Variants in NR3C2 observed in about 807,000 individuals in gnomAD.
NR3C2 encodes the protein mineralocorticoid receptor.
NR3C2 carries 15 observed loss-of-function variants against 86.4 expected under a neutral mutation model. That is an observed-to-expected ratio of 0.17 (90% CI 0.12 to 0.27). The LOEUF (loss-of-function observed/expected upper bound fraction) is 0.27. NR3C2 is among the 10% of genes least tolerant of loss of function. NR3C2 has a pLI of 1.00. For missense variants in NR3C2, 960 were observed against 1,195.6 expected (o/e 0.80, Z 2.91); for synonymous variants, 458 against 450.5 (o/e 1.02, Z -0.21).
intron 2 of NR3C2, among the ~76,000 whole-genome samples, chr4:148,402,762 C>T (rs1579256462): frequency 6.6e-6 from 1 of 152,062 alleles, no homozygotes; most frequent in Non-Finnish European, 1.5e-5. Context: ...ATTTAAAAGT[C>T]TTCAGCATTA....
chr4:148,256,593 GA>G (rs1739844827), intron 3 of NR3C2, among the ~76,000 whole-genome samples: 1 of 152,140 alleles, frequency 6.6e-6, no homozygotes. Flanking sequence ...CACACCTAGT[GA>G]GTGACGTAAA....
At chr4:148,110,429 T>C (rs61764243) in intron 8 of NR3C2, among the ~76,000 whole-genome samples, 139 of 152,354 alleles carry the variant, frequency 9.1e-4, no homozygotes, top group Non-Finnish European at 1.7e-3. Context: ...AATGCTCTTT[T>C]TTCCACAAGG....
chr4:148,422,877 T>C (rs1749348542), intron 2 of NR3C2, among the ~76,000 whole-genome samples: 1 of 152,170 alleles, frequency 6.6e-6, no homozygotes, highest in Non-Finnish European at 1.5e-5. Flanking sequence ...TCCTCTTCTC[T>C]TACATTAGAG....
In NR3C2 at chr4:148,436,734, T is replaced by C; in HGVS notation, c.127A>G (p.Met43Val). Residue 43 changes from methionine (M) to valine (V), a missense_variant, in exon 2 of 9, where the codon ATG becomes GTG. Coordinates refer to ENST00000358102, the MANE Select transcript of NR3C2 (RefSeq NM_000901.5). ...ACACAGCTTACGTTGACAATCTCCA[T>C]GTAGTTATTCTCATCGGTCCTCTCT... ...PTERTDENNY[M>V]EIVNVSCVSG... 4 of 1,614,166 alleles carry C rather than the reference T, an allele frequency of 2.5e-6. No individual in the cohort carries two copies. The highest frequency in any genetic ancestry group is 2.5e-6 in the Non-Finnish European group (3 of 1,180,032).
At chr4:148,161,123 A>G (rs1230292547) in intron 4 of NR3C2, among the ~76,000 whole-genome samples, 1 of 152,254 alleles carries the variant, frequency 6.6e-6, no homozygotes, top group Non-Finnish European at 1.5e-5. Context: ...TCAATTGATT[A>G]TAAGGAAGTA....
At chr4:148,249,191 A>AGGGT (rs1316568498) in intron 3 of NR3C2, among the ~76,000 whole-genome samples, 1 of 152,170 alleles carries the variant, frequency 6.6e-6, no homozygotes, top group Non-Finnish European at 1.5e-5. Flanking sequence ...GGCTTCTAAG[A>AGGGT]GGGTGGTATG....
At chr4:148,351,234 C>T (rs1010392167) in intron 2 of NR3C2, among the ~76,000 whole-genome samples, 1 of 152,188 alleles carries the variant, frequency 6.6e-6, no homozygotes, top group Non-Finnish European at 1.5e-5. Flanking sequence ...CAACCTCCAT[C>T]TCCCAGGTTC....
Position 148,136,519 on chromosome 4 carries a change from C to G in NR3C2, c.2510+15950G>C, listed in dbSNP as rs6822617. Reference sequence around the variant, plus strand: ...CCTTTCCTGCTCAGGTACAGCATCTCACGCCTGGATTGTACCACCCACTTC... The same window carrying G: ...CCTTTCCTGCTCAGGTACAGCATCTGACGCCTGGATTGTACCACCCACTTC... On this transcript the variant is annotated intron_variant, in intron 6 of 8. Transcript: ENST00000358102. Among the ~76,000 whole-genome samples, 931 of 152,276 alleles carry G rather than the reference C, an allele frequency of 6.1e-3. 16 individuals carry two copies. The highest frequency in any genetic ancestry group is 0.021 in the African/African-American group (886 of 41,552).
At chr4:148,186,692 A>T (rs1255121874) in intron 4 of NR3C2, among the ~76,000 whole-genome samples, 2 of 151,766 alleles carry the variant, frequency 1.3e-5, no homozygotes, top group Non-Finnish European at 2.9e-5. Flanking sequence ...GATTTGTGAG[A>T]TTTTGGTGCA....
chr4:148,114,871 G>A (rs1193760825), intron 7 of NR3C2, among the ~76,000 whole-genome samples: 1 of 152,168 alleles, frequency 6.6e-6, no homozygotes, highest in Non-Finnish European at 1.5e-5. Flanking sequence ...CGAAGGGGAG[G>A]ACGCTGCATA....
At chr4:148,415,797 T>C (rs547500225) in intron 2 of NR3C2, among the ~76,000 whole-genome samples, 3 of 152,346 alleles carry the variant, frequency 2.0e-5, no homozygotes, top group Admixed American at 1.3e-4. Flanking sequence ...ATAAAATCAT[T>C]ACTGCTGCTC....
rs147769636 is a variant in NR3C2 at position 148,155,311 on chromosome 4, C to G, written c.2015-410G>C. Among the ~76,000 whole-genome samples the G allele has an allele frequency of 4.8e-3, 738 of 152,254 alleles. 5 individuals are homozygous for G. The highest frequency in any genetic ancestry group is 5.9e-3 in the Non-Finnish European group (404 of 68,018). The stretch of plus-strand genomic sequence containing the variant: ...GTAAGGGTATTCAATTAGGAAAAGA[C>G]GAAGTCAAATTGTCCCTGTTTGCAG... On this transcript the variant is annotated intron_variant, in intron 4 of 8. Coordinates refer to ENST00000358102, the MANE Select transcript of NR3C2 (RefSeq NM_000901.5).
chr4:148,176,494 C>T (rs1254033165), intron 4 of NR3C2, among the ~76,000 whole-genome samples: 1 of 152,158 alleles, frequency 6.6e-6, no homozygotes, highest in Non-Finnish European at 1.5e-5. Context: ...GACACAGTCA[C>T]ATGAAGCCAT....
At chr4:148,366,117 G>C (rs1479767782) in intron 2 of NR3C2, among the ~76,000 whole-genome samples, 1 of 151,822 alleles carries the variant, frequency 6.6e-6, no homozygotes, top group East Asian at 1.9e-4. Flanking sequence ...AAGATTTCAG[G>C]AAGTATGGAG....
intron 2 of NR3C2, among the ~76,000 whole-genome samples, chr4:148,308,916 G>A (rs1337241521): frequency 6.6e-6 from 1 of 152,154 alleles, no homozygotes; most frequent in Non-Finnish European, 1.5e-5. Context: ...CTGAAAGGTG[G>A]AGGTTGCAGT....
At chr4:148,149,887 A>G (rs1165327931) in intron 6 of NR3C2, among the ~76,000 whole-genome samples, 1 of 152,312 alleles carries the variant, frequency 6.6e-6, no homozygotes, top group African/African-American at 2.4e-5. Context: ...ATGGCTAGTT[A>G]ATAAAAAGAA....
At chr4:148,126,084 G>C (rs1732731409) in intron 6 of NR3C2, among the ~76,000 whole-genome samples, 1 of 152,200 alleles carries the variant, frequency 6.6e-6, no homozygotes, top group Non-Finnish European at 1.5e-5. Context: ...TTCCTTAAGG[G>C]GGCATCCCTG....
intron 6 of NR3C2, among the ~76,000 whole-genome samples, chr4:148,139,731 C>T (rs766933178): frequency 3.3e-5 from 5 of 152,140 alleles, no homozygotes; most frequent in Non-Finnish European, 7.4e-5. Context: ...CGAGGGTCTC[C>T]AAATATGACC....
rs1057101268 is a variant in NR3C2, at chr4:148,433,051, G to A, written c.1757+2053C>T. ...TAAGGAATTTTGGAATACTCAAGAG[G>A]AGACACAAGACAATGCTTCCTGTGC... On this transcript the variant is annotated intron_variant, in intron 2 of 8. Coordinates refer to ENST00000358102, the MANE Select transcript of NR3C2 (RefSeq NM_000901.5). Among the ~76,000 whole-genome samples the A allele has an allele frequency of 7.2e-5, 11 of 152,252 alleles. No homozygotes were observed. The East Asian group carries it at 1.7e-3, about 24-fold the overall frequency.
Sources: gnomAD v4.1 joint callset for allele counts (sites outside exome capture counted in the v4.1 genomes callset) on GRCh38, gnomAD v4.1.1 for gene constraint, MANE v1.5 for transcripts, NCBI Gene and HGNC (gene_info 2026-07-23, HGNC 2026-07-21) for gene names.